RPS6KC1: variants seen among roughly 807,000 people sequenced by gnomAD.
RPS6KC1 encodes the protein inactive ribosomal protein S6 kinase delta-1.
A neutral mutation model predicts 103.8 loss-of-function variants in RPS6KC1; 54 were observed. The observed-to-expected ratio is 0.52, with a 90% CI of 0.42 to 0.65. RPS6KC1 has a LOEUF of 0.65. RPS6KC1 is among the 30% of genes least tolerant of loss of function. RPS6KC1 has a pLI of 0.00. For missense variants in RPS6KC1, 1,151 were observed against 1,253.8 expected, an observed-to-expected ratio of 0.92 and a Z score of 1.24; for synonymous variants, 439 against 438.7, an observed-to-expected ratio of 1.00 and a Z score of -0.01.
the RPS6KC1 span, among the ~76,000 whole-genome samples, chr1:213,470,656 G>A: frequency 1.6e-5 from 2 of 125,342 alleles, no homozygotes; most frequent in African/African-American, 3.2e-5. Context: ...GTCTCACTGT[G>A]CCACCCAGGC....
the RPS6KC1 span, among the ~76,000 whole-genome samples, chr1:213,305,988 A>G: frequency 6.6e-6 from 1 of 152,230 alleles, no homozygotes; most frequent in Non-Finnish European, 1.5e-5. Context: ...AGGATAAGCT[A>G]GGTAATGCTT....
chr1:213,571,444 A>G, the RPS6KC1 span, among the ~76,000 whole-genome samples: 1 of 152,088 alleles, frequency 6.6e-6, no homozygotes, highest in African/African-American at 2.4e-5. Flanking sequence ...GGGTCTTGGG[A>G]AGCAGAGAGG....
At chr1:213,078,795 A>G (rs551277871) in intron 3 of RPS6KC1, among the ~76,000 whole-genome samples, 3 of 152,056 alleles carry the variant, frequency 2.0e-5, no homozygotes, top group South Asian at 4.1e-4. Context: ...AAACTAGACA[A>G]TTTTTTTTCA....
chr1:213,541,291 A>T, the RPS6KC1 span, among the ~76,000 whole-genome samples: 1 of 151,300 alleles, frequency 6.6e-6, no homozygotes, highest in South Asian at 2.1e-4. Context: ...TTACAATGGT[A>T]ACATCAAAGA....
chr1:213,061,993 G>C (rs2077883219), intron 1 of RPS6KC1, among the ~76,000 whole-genome samples: 1 of 152,132 alleles, frequency 6.6e-6, no homozygotes, highest in South Asian at 2.1e-4. Flanking sequence ...TATAAAAGTA[G>C]CTTCTTAAAT....
At chr1:213,617,922 G>A in the RPS6KC1 span, among the ~76,000 whole-genome samples, 21 of 152,238 alleles carry the variant, frequency 1.4e-4, no homozygotes, top group East Asian at 2.3e-3. Context: ...AATGTGAGAG[G>A]GGCTAGAAAT....
intron 8 of RPS6KC1, among the ~76,000 whole-genome samples, chr1:213,212,832 A>G (rs2093550793): frequency 1.3e-5 from 2 of 152,208 alleles, no homozygotes; most frequent in Admixed American, 6.5e-5. Flanking sequence ...ATGACATGCA[A>G]TGTTGAGTAT....
the RPS6KC1 span, among the ~76,000 whole-genome samples, chr1:213,756,666 G>A: frequency 9.2e-5 from 14 of 152,118 alleles, no homozygotes; most frequent in Admixed American, 8.5e-4. Context: ...CACCCAGACT[G>A]GAGTACAGTG....
the RPS6KC1 span, among the ~76,000 whole-genome samples, chr1:213,779,781 A>C: frequency 6.6e-6 from 1 of 152,344 alleles, no homozygotes; most frequent in African/African-American, 2.4e-5. Context: ...TAGTTGCCAC[A>C]AGGAGATGCG....
the RPS6KC1 span, among the ~76,000 whole-genome samples, chr1:213,484,647 G>T: frequency 1.3e-5 from 2 of 152,120 alleles, no homozygotes; most frequent in African/African-American, 4.8e-5. Flanking sequence ...AGGAATGAGG[G>T]TTACACAAGG....
Position 213,145,967 on chromosome 1 carries a change from GTTTTTTTTTTTTTT to G in RPS6KC1, c.835+16092_835+16105del, listed in dbSNP as rs71573864. On this transcript the variant is annotated intron_variant, in intron 6 of 14. Coordinates refer to ENST00000366960, the MANE Select transcript of RPS6KC1 (RefSeq NM_012424.6). ...CAAATAGGTCTTATTCATTCATTCTGTTTTTTTTTTTTTTTTTTTTTTTTTTTGGTATATGTTAA... is the reference window on the plus strand; with the variant it reads ...CAAATAGGTCTTATTCATTCATTCTGTTTTTTTTTTTTTGGTATATGTTAA... Among the ~76,000 whole-genome samples the G allele has an allele frequency of 2.9e-3, 137 of 47,844 alleles. 2 individuals are homozygous for G. Among genetic ancestry groups the G allele is most frequent in the African/African-American group, 0.011 (116 of 10,212 alleles). The allele number at this position is 47,844 out of a possible 152,430, so 31.4% of individuals were successfully genotyped here.
At chr1:213,584,115 C>G in the RPS6KC1 span, among the ~76,000 whole-genome samples, 1 of 152,080 alleles carries the variant, frequency 6.6e-6, no homozygotes, top group Non-Finnish European at 1.5e-5. Flanking sequence ...TTTTTTCAAG[C>G]AGTTTCCCCT....
At chr1:213,359,904 T>G in the RPS6KC1 span, among the ~76,000 whole-genome samples, 5 of 152,230 alleles carry the variant, frequency 3.3e-5, no homozygotes, top group Admixed American at 6.5e-5. Flanking sequence ...TTGTGGCTTG[T>G]AGAGTTTCTG....
chr1:213,183,395 C>A (rs1379391408), intron 8 of RPS6KC1, among the ~76,000 whole-genome samples: 1 of 152,108 alleles, frequency 6.6e-6, no homozygotes, highest in Non-Finnish European at 1.5e-5. Flanking sequence ...CAGACCATTT[C>A]TAGGGCCGAA....
chr1:213,214,972 T>C (rs925175236), intron 8 of RPS6KC1, among the ~76,000 whole-genome samples: 2 of 152,172 alleles, frequency 1.3e-5, no homozygotes, highest in African/African-American at 4.8e-5. Context: ...TCAGAGCGCC[T>C]GTCCTCCTCC....
At position 213,140,353 on chromosome 1, in the gene RPS6KC1, G is replaced by T. The variant is rs1398127151; in HGVS notation, c.835+10464G>T. Among the ~76,000 whole-genome samples the T allele has an allele frequency of 7.2e-5, 11 of 151,996 alleles. 1 individual carries two copies. Among genetic ancestry groups the T allele is most frequent in the Admixed American group, 7.2e-4 (11 of 15,200 alleles). ...TTCTTTGTCTTGCCTGATTGTTCTG[G>T]CTGGGACTTCCAGTACTGTGTTGAA... On this transcript the variant is annotated intron_variant, in intron 6 of 14. Transcript: ENST00000366960.
the RPS6KC1 span, among the ~76,000 whole-genome samples, chr1:213,582,195 CA>C: frequency 2.0e-5 from 3 of 150,030 alleles, no homozygotes; most frequent in Non-Finnish European, 3.0e-5. Context: ...GAAATTGCTG[CA>C]GCTGAAAGGT....
At chr1:213,369,972 G>A in the RPS6KC1 span, among the ~76,000 whole-genome samples, 2 of 152,140 alleles carry the variant, frequency 1.3e-5, no homozygotes, top group Non-Finnish European at 2.9e-5. Context: ...CGTGTAAGAT[G>A]GTGCCAAATC....
At chr1:213,668,266 TC>T in the RPS6KC1 span, among the ~76,000 whole-genome samples, 1 of 149,896 alleles carries the variant, frequency 6.7e-6, no homozygotes, top group African/African-American at 2.5e-5. Context: ...TTGAAATGAC[TC>T]CTTGATTCAT....
Sources: gnomAD v4.1 joint callset for allele counts (sites outside exome capture counted in the v4.1 genomes callset) on GRCh38, gnomAD v4.1.1 for gene constraint, MANE v1.5 for transcripts, NCBI Gene and HGNC (gene_info 2026-07-23, HGNC 2026-07-21) for gene names.